The following TENM4 variants were observed in gnomAD, a reference collection of about 807,000 sequenced individuals.
TENM4 encodes teneurin-4.
A neutral mutation model predicts 243.3 loss-of-function variants in TENM4; 82 were observed. The observed-to-expected ratio is 0.34, with a 90% CI of 0.28 to 0.40. The LOEUF (loss-of-function observed/expected upper bound fraction) is 0.40. Ranked by LOEUF, TENM4 falls within the 10% of genes least tolerant of loss-of-function variation. TENM4 has a pLI of 1.00. For synonymous variants in TENM4, 1,412 were observed against 1,456.3 expected (o/e 0.97, Z 0.69); for missense variants, 3,138 against 3,673.3 (o/e 0.85, Z 3.77).
chr11:79,249,237 A>G (rs1855569933), intron 2 of TENM4, among the ~76,000 whole-genome samples: 1 of 152,206 alleles, frequency 6.6e-6, no homozygotes, highest in Non-Finnish European at 1.5e-5. Context: ...AGAGATATTC[A>G]TCATTCCCAT....
chr11:78,658,744 G>A lies in TENM4; in HGVS notation c.7624C>T (p.Leu2542Phe). The change falls in exon 34 of 34, where the codon CTC becomes TTC. Residue 2542 changes from leucine (L) to phenylalanine (F), a missense_variant. Leu to Phe is a conservative substitution (Grantham distance 22). This residue lies in a region of TENM4 where 2,467 missense variants were observed against 3,059.1 expected (regional missense o/e 0.81). Transcript: ENST00000278550. Reference sequence around the variant, plus strand: ...CAGCTGGTGATTGTGGAGCCATAGAGCTGGTCAAACCGTTCTAAGGTGACA... The same window carrying A: ...CAGCTGGTGATTGTGGAGCCATAGAACTGGTCAAACCGTTCTAAGGTGACA... ...AFVTLERFDQ[L>F]YGSTITSCQQ... 1 of 1,614,024 alleles carries A rather than the reference G, an allele frequency of 6.2e-7. No homozygotes were observed. Among genetic ancestry groups the A allele is most frequent in the South Asian group, 1.1e-5 (1 of 91,080 alleles).
intron 15 of TENM4, 55 bp from the exon 16 acceptor site, chr11:78,787,138 G>T: frequency 6.7e-7 from 1 of 1,492,562 alleles, no homozygotes; most frequent in Non-Finnish European, 9.0e-7. Context: ...GGAGGCAGTG[G>T]CCAGAGGGGC....
chr11:78,723,411 T>C (rs1855445671), intron 23 of TENM4, among the ~76,000 whole-genome samples: 1 of 152,272 alleles, frequency 6.6e-6, no homozygotes, highest in African/African-American at 2.4e-5. Flanking sequence ...CCCCAGTGCT[T>C]AGCGCAGAGC....
chr11:79,276,970 C>T (rs1856067786), intron 2 of TENM4, among the ~76,000 whole-genome samples: 1 of 152,052 alleles, frequency 6.6e-6, no homozygotes, highest in African/African-American at 2.4e-5. Flanking sequence ...ATAGGTACAC[C>T]CCCACCCCCA....
At chr11:78,958,432 G>A (rs1375521570) in intron 6 of TENM4, among the ~76,000 whole-genome samples, 1 of 152,210 alleles carries the variant, frequency 6.6e-6, no homozygotes, top group Admixed American at 6.5e-5. Context: ...GTGACTAGTT[G>A]ATATTTTAGT....
chr11:78,687,541 G>A (rs1484076576), intron 29 of TENM4, among the ~76,000 whole-genome samples: 2 of 152,192 alleles, frequency 1.3e-5, no homozygotes, highest in Non-Finnish European at 2.9e-5. Flanking sequence ...TTTCATCATT[G>A]TGAAATCTTT....
In TENM4 at chr11:79,011,962, A is replaced by C. The variant is rs1048806206; in HGVS notation, c.493+52776T>G. ...CCCCTTTTCCCTGGATGTAGCCCCC[A>C]GCCTATTTCCCACCTCCACGCATCT... On this transcript the variant is annotated intron_variant, in intron 6 of 33. Transcript: ENST00000278550. Among the ~76,000 whole-genome samples, 24 of 152,240 alleles carry C rather than the reference A, an allele frequency of 1.6e-4. 1 individual carries two copies. Among genetic ancestry groups the C allele is most frequent in the Admixed American group, 1.2e-3 (19 of 15,278 alleles).
chr11:78,988,624 C>T (rs1857973006), intron 6 of TENM4, among the ~76,000 whole-genome samples: 1 of 152,204 alleles, frequency 6.6e-6, no homozygotes, highest in Non-Finnish European at 1.5e-5. Flanking sequence ...AGCTGTTTCT[C>T]AATGTGTAGC....
At chr11:78,790,472 C>A (rs1358637048) in intron 15 of TENM4, among the ~76,000 whole-genome samples, 2 of 152,220 alleles carry the variant, frequency 1.3e-5, no homozygotes, top group Non-Finnish European at 2.9e-5. Context: ...CTAATGCTCA[C>A]ATCAAGTTTT....
At chr11:79,312,809 C>T (rs1459945465) in intron 1 of TENM4, among the ~76,000 whole-genome samples, 1 of 152,202 alleles carries the variant, frequency 6.6e-6, no homozygotes, top group African/African-American at 2.4e-5. Flanking sequence ...CCCTGCCAAG[C>T]CTGCCACTAG....
At chr11:79,190,055 C>A (rs1158066531) in intron 3 of TENM4, among the ~76,000 whole-genome samples, 1 of 152,190 alleles carries the variant, frequency 6.6e-6, no homozygotes, top group South Asian at 2.1e-4. Context: ...GTCCAAGCAA[C>A]GTGAATCTCT....
intron 9 of TENM4, among the ~76,000 whole-genome samples, chr11:78,889,070 G>C (rs1050149422): frequency 6.6e-6 from 1 of 152,196 alleles, no homozygotes; most frequent in Non-Finnish European, 1.5e-5. Flanking sequence ...ACTGCACAGG[G>C]GGAGCCATCT....
intron 1 of TENM4, among the ~76,000 whole-genome samples, chr11:79,303,304 C>T (rs1255969336): frequency 2.0e-5 from 3 of 152,198 alleles, no homozygotes; most frequent in South Asian, 2.1e-4. Context: ...ATTTCCTCCT[C>T]TCTGGGTGAC....
chr11:78,883,957 AG>A (rs1420343096), intron 9 of TENM4, among the ~76,000 whole-genome samples: 1 of 152,254 alleles, frequency 6.6e-6, no homozygotes, highest in Admixed American at 6.5e-5. Flanking sequence ...GAGACAAGCC[AG>A]GTCCAAGTTC....
chr11:79,086,215 C>T (rs773730542), intron 4 of TENM4, among the ~76,000 whole-genome samples: 8 of 152,222 alleles, frequency 5.3e-5, no homozygotes, highest in Non-Finnish European at 1.0e-4. Flanking sequence ...TTGGGATTGC[C>T]TTCTCCCCCT....
At chr11:78,707,064 C>T (rs988445375) in intron 27 of TENM4, among the ~76,000 whole-genome samples, 4 of 152,184 alleles carry the variant, frequency 2.6e-5, no homozygotes, top group East Asian at 3.9e-4. Flanking sequence ...AAGGACTTAG[C>T]GATACATGTC....
intron 1 of TENM4, among the ~76,000 whole-genome samples, chr11:79,422,521 A>C (rs1434694804): frequency 3.3e-5 from 5 of 152,222 alleles, no homozygotes; most frequent in Admixed American, 6.5e-5. Context: ...GTCATTCCCC[A>C]AAAAAAGCAG....
intron 3 of TENM4, among the ~76,000 whole-genome samples, chr11:79,207,257 G>T (rs1332734751): frequency 1.3e-5 from 2 of 152,210 alleles, no homozygotes. Context: ...GCAAAGGCCA[G>T]GAAGCACTGC....
At chr11:78,830,449 G>C (rs372445675) in intron 12 of TENM4, among the ~76,000 whole-genome samples, 1 of 152,292 alleles carries the variant, frequency 6.6e-6, no homozygotes, top group South Asian at 2.1e-4. Context: ...GGCTAGACTT[G>C]CTGGTCTCAA....
Sources: gnomAD v4.1 joint callset for allele counts (sites outside exome capture counted in the v4.1 genomes callset) on GRCh38, gnomAD v4.1.1 for gene constraint, gnomAD v4.1.1 regional missense constraint, MANE v1.5 for transcripts, NCBI Gene and HGNC (gene_info 2026-07-23, HGNC 2026-07-21) for gene names.